The following FBXW8 variants were observed in gnomAD, a reference collection of about 807,000 sequenced individuals.
The protein encoded by FBXW8 is F-box/WD repeat-containing protein 8.
FBXW8 carries 57 observed loss-of-function variants against 65.3 expected under a neutral mutation model. That is an observed-to-expected ratio of 0.87 (90% CI 0.71 to 1.09). The LOEUF (loss-of-function observed/expected upper bound fraction) is 1.09. Among genes scored for constraint, FBXW8 ranks in the 50% least tolerant of loss-of-function variants. FBXW8 has a pLI of 0.00. For missense variants in FBXW8, 777 were observed against 814.8 expected, an observed-to-expected ratio of 0.95 and a Z score of 0.57; for synonymous variants, 308 against 330.2, an observed-to-expected ratio of 0.93 and a Z score of 0.73.
chr12:116,960,785 C>T (rs140551288), intron 4 of FBXW8, among the ~76,000 whole-genome samples: 3 of 152,294 alleles, frequency 2.0e-5, no homozygotes, highest in African/African-American at 7.2e-5. Flanking sequence ...GTAGGGCCTT[C>T]TTGAAGACTT....
In FBXW8 at chr12:117,031,041, G is replaced by A. The variant is rs944374488; in HGVS notation, c.*2869G>A. The A allele has an allele frequency of 2.2e-4, 34 of 152,296 alleles. No homozygotes were observed. Among genetic ancestry groups the A allele is most frequent in the African/African-American group, 8.2e-4 (34 of 41,558 alleles). The allele number at this position is 152,296 out of a possible 1,614,324, so 9.4% of individuals were successfully genotyped here. On this transcript the variant is annotated 3_prime_UTR_variant, in exon 11 of 11. Coordinates refer to ENST00000652555, the MANE Select transcript of FBXW8 (RefSeq NM_153348.3). Reference sequence around the variant, plus strand: ...ACTCGAGCATGCTGCCAGGGGAGCTGGATGGTGAAACACCTGAAGATCTCA... The same window carrying A: ...ACTCGAGCATGCTGCCAGGGGAGCTAGATGGTGAAACACCTGAAGATCTCA...
At position 117,028,104 on chromosome 12, in the gene FBXW8, T is replaced by C; in HGVS notation, c.1729T>C (p.Ser577Pro). Residue 577 changes from serine (S) to proline (P), a missense_variant, in exon 11 of 11, where the codon TCA (serine) becomes CCA (proline). By Grantham distance (74) the Ser-to-Pro change is moderately conservative (BLOSUM62 -1). Coordinates refer to ENST00000652555, the MANE Select transcript of FBXW8 (RefSeq NM_153348.3). The surrounding 1 kb of genome is among the most constrained non-coding windows in gnomAD (Gnocchi z 4.1). ...AFQSPLPVCR[S>P]SCDAMATHYY... ...CCAGAGCCCTCTCCCTGTCTGCCGT[T>C]CATCCTGTGACGCCATGGCCACTCA... 6.8e-6 allele frequency: 11 copies of C among 1,614,152 alleles called. No individual in the cohort carries two copies. The highest frequency in any genetic ancestry group is 9.3e-6 in the Non-Finnish European group (11 of 1,180,026).
At chr12:117,014,744 C>G (rs1191839789) in intron 8 of FBXW8, among the ~76,000 whole-genome samples, 1 of 152,162 alleles carries the variant, frequency 6.6e-6, no homozygotes, top group Admixed American at 6.5e-5. Context: ...CATGGGTTGG[C>G]AGTGGTTCAG....
chr12:117,026,627 G>C (rs1217242024), intron 9 of FBXW8, among the ~76,000 whole-genome samples: 1 of 127,628 alleles, frequency 7.8e-6, no homozygotes, highest in East Asian at 2.3e-4. Flanking sequence ...AGCACCTCCT[G>C]CTCCTCCCAG....
At chr12:116,968,347 A>T (rs907558285) in intron 5 of FBXW8, among the ~76,000 whole-genome samples, 15 of 152,240 alleles carry the variant, frequency 9.9e-5, no homozygotes, top group African/African-American at 3.4e-4. Flanking sequence ...ATGAGTGTGT[A>T]TATTCTTATT....
intron 7 of FBXW8, among the ~76,000 whole-genome samples, chr12:117,003,697 A>G (rs1310807365): frequency 5.3e-5 from 8 of 152,170 alleles, no homozygotes; most frequent in African/African-American, 1.9e-4. Context: ...CTTGAAAGGT[A>G]GTTTTGCTAG....
intron 1 of FBXW8, among the ~76,000 whole-genome samples, chr12:116,926,546 A>T (rs1288213152): frequency 6.6e-6 from 1 of 152,102 alleles, no homozygotes; most frequent in African/African-American, 2.4e-5. Flanking sequence ...GAAGCCAATT[A>T]GTTGTGGGAG....
At chr12:116,927,305 C>A (rs118025725) in intron 1 of FBXW8, among the ~76,000 whole-genome samples, 1,668 of 152,264 alleles carry the variant, frequency 0.011, 22 homozygotes, top group Non-Finnish European at 0.015. Context: ...CAAAGGCAGG[C>A]GAGCTCTGAT....
chr12:116,961,729 A>G lies in FBXW8; in HGVS notation c.678-2968A>G, dbSNP rs113957403. Among the ~76,000 whole-genome samples the G allele has an allele frequency of 3.3e-5, 5 of 152,344 alleles. No homozygotes were observed. Among genetic ancestry groups the G allele is most frequent in the African/African-American group, 1.2e-4 (5 of 41,578 alleles). On this transcript the variant is annotated intron_variant, in intron 4 of 10. Transcript: ENST00000652555. The surrounding 1 kb of genome is among the most constrained non-coding windows in gnomAD (Gnocchi z 4.4). ...AGTGAGATGATCACAGACATGCACCACTGCCATGACGGAGACGTCCAGGCT... is the reference window on the plus strand; with the variant it reads ...AGTGAGATGATCACAGACATGCACCGCTGCCATGACGGAGACGTCCAGGCT...
chr12:116,942,540 A>G (rs1157271147), intron 2 of FBXW8, among the ~76,000 whole-genome samples: 1 of 151,100 alleles, frequency 6.6e-6, no homozygotes, highest in Non-Finnish European at 1.5e-5. Flanking sequence ...ATGTCCAGCT[A>G]GTTTTTTATA....
At chr12:116,933,796 C>T (rs899749828) in intron 2 of FBXW8, among the ~76,000 whole-genome samples, 1 of 152,144 alleles carries the variant, frequency 6.6e-6, no homozygotes, top group East Asian at 1.9e-4. Flanking sequence ...AAATTAAAAC[C>T]ACAAAGTAAT....
chr12:117,003,748 T>C (rs929094686), intron 7 of FBXW8, among the ~76,000 whole-genome samples: 1 of 152,224 alleles, frequency 6.6e-6, no homozygotes, highest in African/African-American at 2.4e-5. Flanking sequence ...TTGCTCAGCC[T>C]TTGAGGATAT....
intron 1 of FBXW8, among the ~76,000 whole-genome samples, chr12:116,917,110 A>G (rs542501501): frequency 3.9e-5 from 6 of 152,266 alleles, no homozygotes; most frequent in African/African-American, 1.4e-4. Flanking sequence ...GTCAGTGTGG[A>G]TTTACCCAAG....
At chr12:117,015,560 G>A (rs1034097983) in intron 8 of FBXW8, among the ~76,000 whole-genome samples, 12 of 152,076 alleles carry the variant, frequency 7.9e-5, no homozygotes, top group African/African-American at 1.7e-4. Flanking sequence ...AAGCTTATCC[G>A]TGCTGTGCTA....
At chr12:116,943,310 T>G (rs1056687676) in intron 2 of FBXW8, among the ~76,000 whole-genome samples, 1 of 152,226 alleles carries the variant, frequency 6.6e-6, no homozygotes, top group South Asian at 2.1e-4. Flanking sequence ...ACATTTTAAA[T>G]AATGGAAACT....
At chr12:116,924,020 A>T (rs1323668651) in intron 1 of FBXW8, among the ~76,000 whole-genome samples, 1 of 152,166 alleles carries the variant, frequency 6.6e-6, no homozygotes, top group Non-Finnish European at 1.5e-5. Context: ...GCCCAAAATT[A>T]CTTTCTCTAA....
At chr12:116,923,789 C>T (rs931879435) in intron 1 of FBXW8, among the ~76,000 whole-genome samples, 2 of 152,096 alleles carry the variant, frequency 1.3e-5, no homozygotes, top group African/African-American at 2.4e-5. Flanking sequence ...GGCGCGATCT[C>T]GGCTCACTGC....
chr12:116,970,861 T>A (rs1031156173), intron 5 of FBXW8, among the ~76,000 whole-genome samples: 1 of 152,160 alleles, frequency 6.6e-6, no homozygotes, highest in African/African-American at 2.4e-5. Context: ...AAAGTTTCAA[T>A]CATCAGTTCT....
intron 8 of FBXW8, among the ~76,000 whole-genome samples, chr12:117,013,008 C>T (rs1178511632): frequency 6.6e-6 from 1 of 152,104 alleles, no homozygotes; most frequent in African/African-American, 2.4e-5. Context: ...TATCCTATCA[C>T]TCAAGAAAAA....
Sources: allele counts gnomAD v4.1 joint callset (sites outside exome capture counted in the v4.1 genomes callset), GRCh38; gene constraint gnomAD v4.1.1; non-coding constraint Gnocchi (gnomAD v3.1); transcripts MANE v1.5; gene names NCBI Gene and HGNC (gene_info 2026-07-23, HGNC 2026-07-21).